The following SIK2 variants were observed in gnomAD, a reference collection of about 807,000 sequenced individuals.
The protein encoded by SIK2 is salt inducible kinase 2.
Under a neutral mutation model 103.2 loss-of-function variants are expected in SIK2, and 29 were observed. The observed-to-expected ratio is 0.28, with a 90% CI of 0.21 to 0.38. The LOEUF is 0.38. Among genes scored for constraint, SIK2 ranks in the 10% least tolerant of loss-of-function variants. The pLI is 1.00. For missense variants in SIK2, 879 were observed against 1,171.0 expected, an observed-to-expected ratio of 0.75 and a Z score of 3.64; for synonymous variants, 412 against 446.1, an observed-to-expected ratio of 0.92 and a Z score of 0.96.
At chr11:111,667,605 C>T (rs1942564146) in intron 3 of SIK2, among the ~76,000 whole-genome samples, 1 of 151,730 alleles carries the variant, frequency 6.6e-6, no homozygotes, top group Non-Finnish European at 1.5e-5. Context: ...AATTCTCCTG[C>T]CTCACCCTCC....
chr11:111,651,705 G>A (rs1192058080), intron 3 of SIK2, among the ~76,000 whole-genome samples: 1 of 150,208 alleles, frequency 6.7e-6, no homozygotes, highest in African/African-American at 2.5e-5. Context: ...TACACTTGAT[G>A]TGTATATAGG....
chr11:111,715,150 G>A (rs1436562246), intron 9 of SIK2, among the ~76,000 whole-genome samples: 1 of 152,240 alleles, frequency 6.6e-6, no homozygotes, highest in Non-Finnish European at 1.5e-5. Context: ...GCAGTGCCAC[G>A]CTGGAGCTGG....
intron 3 of SIK2, among the ~76,000 whole-genome samples, chr11:111,643,794 CAA>C (rs746462971): frequency 4.0e-4 from 45 of 111,330 alleles, no homozygotes; most frequent in Admixed American, 3.7e-4. Flanking sequence ...GCCTGGGTGA[CAA>C]AAAAAAAAAA....
chr11:111,673,086 A>C (rs1163413838), intron 3 of SIK2, among the ~76,000 whole-genome samples: 6 of 152,210 alleles, frequency 3.9e-5, no homozygotes, highest in Non-Finnish European at 1.5e-5. Context: ...GACATCATTA[A>C]ATGTAAATAT....
chr11:111,696,582 C>T (rs1033235998), intron 4 of SIK2, among the ~76,000 whole-genome samples: 3 of 152,134 alleles, frequency 2.0e-5, no homozygotes, highest in African/African-American at 7.2e-5. Flanking sequence ...TTAGAGAAGA[C>T]ATTAAACTAG....
At chr11:111,621,495 ATC>A (rs10564644) in intron 3 of SIK2, among the ~76,000 whole-genome samples, 87,627 of 151,874 alleles carry the variant, frequency 0.58, 29,220 homozygotes, top group East Asian at 0.96. Context: ...TTATTCATTC[ATC>A]TATCTATTGA....
At chr11:111,634,731 A>G (rs771768325) in intron 3 of SIK2, among the ~76,000 whole-genome samples, 2 of 152,192 alleles carry the variant, frequency 1.3e-5, no homozygotes, top group African/African-American at 2.4e-5. Flanking sequence ...TCATTATAAA[A>G]TCAAGTTAGT....
chr11:111,688,022 G>A lies in SIK2; in HGVS notation c.338G>A (p.Arg113Gln), dbSNP rs367937187. 118 of 1,614,028 alleles carry A rather than the reference G, an allele frequency of 7.3e-5. No individual in the cohort carries two copies. Among genetic ancestry groups the A allele is most frequent in the Middle Eastern group, 1.7e-4 (1 of 6,060 alleles). ...EIFDYLANHG[R>Q]LNESEARRKF... ...ACAGACTATCTTGCTAATCATGGCC[G>A]GTTAAATGAGTCTGAAGCCAGGCGA... The change falls in exon 4 of 15, where the codon CGG (arginine) becomes CAG (glutamine). Residue 113 changes from arginine to glutamine, a missense_variant. Arg to Gln is a conservative substitution (Grantham distance 43, BLOSUM62 1). Around this residue, in one of 7 missense-constraint regions of SIK2, gnomAD observed 126 missense variants for 245.5 expected, o/e 0.51. Coordinates refer to ENST00000304987, the MANE Select transcript of SIK2 (RefSeq NM_015191.3). The surrounding 1 kb of genome is among the most constrained non-coding windows in gnomAD (Gnocchi z 4.2).
chr11:111,724,313 C>G lies in SIK2; in HGVS notation c.*184C>G. 8 of 852,682 alleles carry G rather than the reference C, an allele frequency of 9.4e-6. No individual in the cohort carries two copies. Among genetic ancestry groups the G allele is most frequent in the Non-Finnish European group, 1.4e-5 (8 of 571,680 alleles). 52.8% of individuals were successfully genotyped at this position (852,682 alleles called of 1,614,324 possible). ...TTGCTTCCTCCTGGTTCTGCCCCAC[C>G]ACAAAGTTTTCTGTGGCAAGTGCTG... On this transcript the variant is annotated 3_prime_UTR_variant, in exon 15 of 15. Coordinates refer to ENST00000304987, the MANE Select transcript of SIK2 (RefSeq NM_015191.3).
intron 3 of SIK2, among the ~76,000 whole-genome samples, chr11:111,660,989 G>C (rs188370086): frequency 6.6e-6 from 1 of 151,642 alleles, no homozygotes; most frequent in African/African-American, 2.4e-5. Flanking sequence ...ACACACCACC[G>C]TACCCAGCTG....
intron 3 of SIK2, among the ~76,000 whole-genome samples, chr11:111,676,364 T>A (rs1942703395): frequency 6.6e-6 from 1 of 152,216 alleles, no homozygotes; most frequent in Non-Finnish European, 1.5e-5. Flanking sequence ...CTGAACTAGT[T>A]TTTATTCCCA....
In SIK2 at chr11:111,682,100, C is replaced by G. The variant is rs984474274; in HGVS notation, c.317-5901C>G. On this transcript the variant is annotated intron_variant, in intron 3 of 14. Coordinates refer to ENST00000304987, the MANE Select transcript of SIK2 (RefSeq NM_015191.3). ...AATTGAAGGATCAGGCTGTCACTCCCAGTACTTACTGACCAATCTTAGCAC... is the reference window on the plus strand; with the variant it reads ...AATTGAAGGATCAGGCTGTCACTCCGAGTACTTACTGACCAATCTTAGCAC... Among the ~76,000 whole-genome samples, 3 of 152,270 alleles carry G rather than the reference C, an allele frequency of 2.0e-5. No homozygotes were observed. The South Asian group carries it at 6.2e-4, about 32-fold the overall frequency.
intron 4 of SIK2, among the ~76,000 whole-genome samples, chr11:111,697,476 T>C (rs1243830823): frequency 1.3e-5 from 2 of 152,248 alleles, no homozygotes; most frequent in East Asian, 3.8e-4. Context: ...CTTCTGTTTA[T>C]TGACTACCTA....
intron 3 of SIK2, among the ~76,000 whole-genome samples, chr11:111,668,905 A>T (rs1942585550): frequency 6.6e-6 from 1 of 152,168 alleles, no homozygotes; most frequent in Admixed American, 6.5e-5. Flanking sequence ...TTGTTGATGG[A>T]TTGGATGTGG....
At chr11:111,641,429 C>G (rs1942181829) in intron 3 of SIK2, among the ~76,000 whole-genome samples, 1 of 152,230 alleles carries the variant, frequency 6.6e-6, no homozygotes, top group Admixed American at 6.5e-5. Context: ...CATTCTTCTT[C>G]TGACCCTGAA....
intron 3 of SIK2, among the ~76,000 whole-genome samples, chr11:111,657,020 C>T (rs939368333): frequency 6.6e-6 from 1 of 152,126 alleles, no homozygotes; most frequent in Admixed American, 6.6e-5. Flanking sequence ...ACTTATAAGT[C>T]CTTATTCTTA....
chr11:111,684,780 C>T (rs1422106002), intron 3 of SIK2, among the ~76,000 whole-genome samples: 1 of 152,178 alleles, frequency 6.6e-6, no homozygotes, highest in Non-Finnish European at 1.5e-5. Context: ...ATTATGCATA[C>T]TTGTTCTTAA....
At chr11:111,718,311 G>A (rs142831258) in intron 9 of SIK2, among the ~76,000 whole-genome samples, 264 of 152,272 alleles carry the variant, frequency 1.7e-3, no homozygotes, top group African/African-American at 6.2e-3. Flanking sequence ...ATTCTTTCTT[G>A]CAAGGAAACT....
At chr11:111,684,024 A>G (rs923702604) in intron 3 of SIK2, among the ~76,000 whole-genome samples, 18 of 152,220 alleles carry the variant, frequency 1.2e-4, no homozygotes, top group African/African-American at 4.1e-4. Context: ...TTTTCACCTG[A>G]AGAGTGAAAG....
Sources: gnomAD v4.1 joint callset for allele counts (sites outside exome capture counted in the v4.1 genomes callset) on GRCh38, gnomAD v4.1.1 for gene constraint, gnomAD v4.1.1 regional missense constraint, Gnocchi (gnomAD v3.1) non-coding constraint, MANE v1.5 for transcripts, NCBI Gene and HGNC (gene_info 2026-07-23, HGNC 2026-07-21) for gene names.